CDH4: variants seen among roughly 807,000 people sequenced by gnomAD.
CDH4 encodes cadherin 4.
In CDH4, 33 loss-of-function variants were observed where a neutral mutation model predicts 86.0. The ratio of observed to expected loss-of-function variants is 0.38; its 90% CI spans 0.29 to 0.51. The LOEUF is 0.51. Ranked by LOEUF, CDH4 falls within the 20% of genes least tolerant of loss-of-function variation. The probability of loss-of-function intolerance (pLI) is 0.86; values close to 1 mark genes in which losing one functional copy is unlikely to be tolerated. For missense variants in CDH4, 1,114 were observed against 1,307.4 expected (o/e 0.85, Z 2.28); for synonymous variants, 555 against 549.4 (o/e 1.01, Z -0.14).
intron 2 of CDH4, 27 bp from the exon 3 acceptor site, chr20:61,743,536 C>G (rs1386502609): frequency 1.3e-6 from 2 of 1,541,660 alleles, no homozygotes. Context: ...CCAAGCCGAC[C>G]CTGACTCTCT....
At chr20:61,562,484 C>T (rs978314867) in intron 2 of CDH4, among the ~76,000 whole-genome samples, 2 of 152,304 alleles carry the variant, frequency 1.3e-5, no homozygotes, top group African/African-American at 4.8e-5. Context: ...TTTGTCGCTT[C>T]TTTCATCTTC....
At chr20:61,515,748 G>T (rs2085814042) in intron 2 of CDH4, among the ~76,000 whole-genome samples, 1 of 152,224 alleles carries the variant, frequency 6.6e-6, no homozygotes, top group African/African-American at 2.4e-5. Context: ...GGAAGGCTAT[G>T]ATGCCCAGTT....
intron 2 of CDH4, among the ~76,000 whole-genome samples, chr20:61,292,193 T>C (rs1369984975): frequency 6.6e-6 from 1 of 152,174 alleles, no homozygotes; most frequent in Non-Finnish European, 1.5e-5. Flanking sequence ...CAAATATTCA[T>C]GGCAGCACTG....
chr20:61,550,024 T>C (rs1033975801), intron 2 of CDH4, among the ~76,000 whole-genome samples: 6 of 151,510 alleles, frequency 4.0e-5, no homozygotes, highest in African/African-American at 1.5e-4. Flanking sequence ...CTGGCCTCCT[T>C]GTCCTGGCCT....
intron 4 of CDH4, among the ~76,000 whole-genome samples, chr20:61,786,743 C>T (rs934532686): frequency 1.3e-5 from 2 of 152,080 alleles, no homozygotes; most frequent in Non-Finnish European, 2.9e-5. Context: ...GCTGGAGCAC[C>T]CTCTGTGAAC....
chr20:61,722,691 C>T (rs1269015561), intron 2 of CDH4, among the ~76,000 whole-genome samples: 1 of 151,600 alleles, frequency 6.6e-6, no homozygotes, highest in Non-Finnish European at 1.5e-5. Context: ...TCACGCTCTG[C>T]TCTTTCAAGT....
At chr20:61,541,220 G>A (rs1035225537) in intron 2 of CDH4, among the ~76,000 whole-genome samples, 3 of 152,110 alleles carry the variant, frequency 2.0e-5, no homozygotes, top group African/African-American at 7.2e-5. Context: ...CTCATGTGCT[G>A]CCCTCCCACT....
At chr20:61,489,560 T>TC (rs1039636534) in intron 2 of CDH4, among the ~76,000 whole-genome samples, 1 of 152,200 alleles carries the variant, frequency 6.6e-6, no homozygotes, top group Non-Finnish European at 1.5e-5. Flanking sequence ...CACTCCTCCT[T>TC]CCCCAGGGGG....
intron 7 of CDH4, among the ~76,000 whole-genome samples, chr20:61,874,862 A>G (rs62204967): frequency 0.29 from 44,862 of 152,234 alleles, 7,976 homozygotes; most frequent in Non-Finnish European, 0.4. Context: ...CAGCCAGTGC[A>G]GCCCTGCCCG....
rs1238691647 is a variant in CDH4 at position 61,559,514 on chromosome 20, T to TTTTTC, written c.170-184044_170-184040dup. ...TAGAGTCTCCTTTCTTTTTAATTTT[T>TTTTTC]TTTTCTTTTTTTTTTTTTTTTTTTG... On this transcript the variant is annotated intron_variant, in intron 2 of 15. Coordinates refer to ENST00000614565, the MANE Select transcript of CDH4 (RefSeq NM_001794.5). Among the ~76,000 whole-genome samples the TTTTTC allele has an allele frequency of 6.2e-5, 8 of 128,862 alleles. No individual in the cohort carries two copies. The East Asian group carries it at 1.7e-3, about 27-fold the overall frequency. The allele number at this position is 128,862 out of a possible 152,430, so 84.5% of individuals were successfully genotyped here.
In CDH4 at chr20:61,714,488, G is replaced by A. The variant is rs115903816; in HGVS notation, c.170-29075G>A. ...TTTGGTGACATGGATGAATTGTACAGCGGTGAAGTCTGAGATTGTCATGTA... is the reference window on the plus strand; with the variant it reads ...TTTGGTGACATGGATGAATTGTACAACGGTGAAGTCTGAGATTGTCATGTA... On this transcript the variant is annotated intron_variant, in intron 2 of 15. Coordinates refer to ENST00000614565, the MANE Select transcript of CDH4 (RefSeq NM_001794.5). Among the ~76,000 whole-genome samples the A allele has an allele frequency of 6.6e-3, 998 of 152,082 alleles. 10 individuals carry two copies. The highest frequency in any genetic ancestry group is 0.021 in the African/African-American group (890 of 41,482).
At chr20:61,309,060 G>A (rs529315866) in intron 2 of CDH4, among the ~76,000 whole-genome samples, 2 of 152,358 alleles carry the variant, frequency 1.3e-5, no homozygotes, top group East Asian at 3.9e-4. Context: ...GGAGCCCCTT[G>A]TTAAAAAATT....
intron 2 of CDH4, among the ~76,000 whole-genome samples, chr20:61,696,824 G>A (rs1418548598): frequency 2.0e-5 from 3 of 152,174 alleles, no homozygotes; most frequent in African/African-American, 4.8e-5. Flanking sequence ...AAGATGTGAT[G>A]GAATTAAGAA....
intron 2 of CDH4, among the ~76,000 whole-genome samples, chr20:61,304,422 C>T (rs1798439256): frequency 6.6e-6 from 1 of 152,132 alleles, no homozygotes. Context: ...TCATAATGGT[C>T]TGCGTGGTTG....
At chr20:61,644,726 C>T (rs1334665253) in intron 2 of CDH4, among the ~76,000 whole-genome samples, 3 of 152,210 alleles carry the variant, frequency 2.0e-5, no homozygotes, top group Non-Finnish European at 2.9e-5. Flanking sequence ...GGGCTCTGCC[C>T]TACCGTTCCT....
intron 4 of CDH4, among the ~76,000 whole-genome samples, chr20:61,773,558 G>A (rs1334430093): frequency 1.3e-5 from 2 of 152,096 alleles, no homozygotes; most frequent in Admixed American, 6.5e-5. Flanking sequence ...GTGCCATGAC[G>A]ATCCCTGCGC....
At chr20:61,415,193 C>A (rs1320628787) in intron 2 of CDH4, among the ~76,000 whole-genome samples, 1 of 152,184 alleles carries the variant, frequency 6.6e-6, no homozygotes, top group Non-Finnish European at 1.5e-5. Context: ...CCATTCTCTG[C>A]CCCCCTACCC....
At chr20:61,803,175 C>T (rs1323452091) in intron 4 of CDH4, among the ~76,000 whole-genome samples, 4 of 150,570 alleles carry the variant, frequency 2.7e-5, no homozygotes, top group East Asian at 2.0e-4. Flanking sequence ...GGGGTCCCGT[C>T]GTGGCGGCTG....
chr20:61,884,321 G>C (rs1363752454), intron 7 of CDH4, among the ~76,000 whole-genome samples: 2 of 152,224 alleles, frequency 1.3e-5, no homozygotes, highest in African/African-American at 2.4e-5. Context: ...GGTTGAGTGA[G>C]ACACGCTTCC....
Sources: allele counts gnomAD v4.1 joint callset (sites outside exome capture counted in the v4.1 genomes callset), GRCh38; gene constraint gnomAD v4.1.1; transcripts MANE v1.5; gene names NCBI Gene and HGNC (gene_info 2026-07-23, HGNC 2026-07-21).